The following PPARGC1A variants were observed in gnomAD, a reference collection of about 807,000 sequenced individuals.
The protein encoded by PPARGC1A is peroxisome proliferator-activated receptor gamma coactivator 1-alpha.
In PPARGC1A, 25 loss-of-function variants were observed where a neutral mutation model predicts 88.7. The ratio of observed to expected loss-of-function variants is 0.28; its 90% CI spans 0.21 to 0.39. The LOEUF (loss-of-function observed/expected upper bound fraction) is 0.39. Ranked by LOEUF, PPARGC1A falls within the 10% of genes least tolerant of loss-of-function variation. The pLI, the probability that PPARGC1A is intolerant of heterozygous loss-of-function variation, is 1.00. For missense variants in PPARGC1A, 880 were observed against 968.7 expected (o/e 0.91, Z 1.22); for synonymous variants, 363 against 355.6 (o/e 1.02, Z -0.24).
chr4:24,023,662 A>G, the PPARGC1A span, among the ~76,000 whole-genome samples: 1 of 152,222 alleles, frequency 6.6e-6, no homozygotes, highest in Non-Finnish European at 1.5e-5. Context: ...AAGACAGGTC[A>G]ATAAAAGCAT....
chr4:24,252,870 A>G, the PPARGC1A span, among the ~76,000 whole-genome samples: 1 of 152,196 alleles, frequency 6.6e-6, no homozygotes, highest in African/African-American at 2.4e-5. Context: ...TAAGTTTGTC[A>G]GTGTAGCCCA....
At chr4:24,424,506 A>C in the PPARGC1A span, among the ~76,000 whole-genome samples, 1 of 151,862 alleles carries the variant, frequency 6.6e-6, no homozygotes, top group Admixed American at 6.6e-5. Context: ...CGATCTCCTG[A>C]CCTCATTATC....
chr4:23,981,023 C>T, the PPARGC1A span, among the ~76,000 whole-genome samples: 14 of 152,040 alleles, frequency 9.2e-5, no homozygotes, highest in Non-Finnish European at 1.8e-4. Context: ...TATGTAATTT[C>T]TCCCTTGTCT....
chr4:24,387,811 A>AGAAAGAAAGAAG, the PPARGC1A span, among the ~76,000 whole-genome samples: 15 of 110,574 alleles, frequency 1.4e-4, no homozygotes, highest in South Asian at 3.3e-4. Context: ...AAAGAAAGAA[A>AGAAAGAAAGAAG]GAAAGAAAGA....
rs751603523 is a variant in PPARGC1A at position 23,824,307 on chromosome 4, A to T, written c.850T>A (p.Leu284Ile). ...GCAGTTCCAGAGAGTTCCACACTTA[A>T]GGTGCGTTCAATAGTCTTGTTCTCA... ...PFENKTIERT[L>I]SVELSGTAGL... Residue 284 changes from leucine to isoleucine, a missense_variant, in exon 7 of 13, where the codon TTA (leucine) becomes ATA (isoleucine). By Grantham distance (5) the Leu-to-Ile change is conservative. Coordinates refer to ENST00000264867, the MANE Select transcript of PPARGC1A (RefSeq NM_013261.5). 6.2e-7 allele frequency: 1 copy of T among 1,613,606 alleles called. No homozygotes were observed. Among genetic ancestry groups the T allele is most frequent in the Non-Finnish European group, 8.5e-7 (1 of 1,179,674 alleles).
At chr4:23,979,768 C>T in the PPARGC1A span, among the ~76,000 whole-genome samples, 1 of 152,266 alleles carries the variant, frequency 6.6e-6, no homozygotes, top group Admixed American at 6.5e-5. Context: ...TTTTGCTTCG[C>T]CTCTATTCAG....
chr4:24,046,635 G>A, the PPARGC1A span, among the ~76,000 whole-genome samples: 1 of 152,170 alleles, frequency 6.6e-6, no homozygotes, highest in Non-Finnish European at 1.5e-5. Context: ...GGCATGTGCT[G>A]TTGGCTATGT....
the PPARGC1A span, among the ~76,000 whole-genome samples, chr4:24,302,101 T>A: frequency 2.0e-5 from 3 of 152,192 alleles, no homozygotes; most frequent in Non-Finnish European, 4.4e-5. Flanking sequence ...CTTGCCACTC[T>A]AGATTCAAGC....
chr4:24,375,060 G>GT, the PPARGC1A span, among the ~76,000 whole-genome samples: 1 of 150,236 alleles, frequency 6.7e-6, no homozygotes, highest in African/African-American at 2.5e-5. Flanking sequence ...TCCCTGTCAG[G>GT]TTGGGATACG....
the PPARGC1A span, among the ~76,000 whole-genome samples, chr4:24,379,269 G>T: frequency 6.6e-6 from 1 of 152,122 alleles, no homozygotes; most frequent in Non-Finnish European, 1.5e-5. Flanking sequence ...AATACCAGAG[G>T]CTGGAAAGGG....
At chr4:24,325,075 G>A in the PPARGC1A span, among the ~76,000 whole-genome samples, 7 of 151,984 alleles carry the variant, frequency 4.6e-5, no homozygotes, top group Non-Finnish European at 8.8e-5. Flanking sequence ...GGCATAGTCA[G>A]GGTTAATGCT....
chr4:23,990,883 C>T, the PPARGC1A span, among the ~76,000 whole-genome samples: 1 of 152,034 alleles, frequency 6.6e-6, no homozygotes, highest in African/African-American at 2.4e-5. Flanking sequence ...ATTCCTCTCC[C>T]TCTGATACAG....
chr4:23,844,485 A>AT (rs1727684649), intron 2 of PPARGC1A, among the ~76,000 whole-genome samples: 1 of 35,688 alleles, frequency 2.8e-5, no homozygotes, highest in Non-Finnish European at 4.5e-5. Flanking sequence ...AATATATTAT[A>AT]ATAATCATAA....
the PPARGC1A span, among the ~76,000 whole-genome samples, chr4:23,947,466 G>A: frequency 2.0e-5 from 3 of 149,172 alleles, no homozygotes; most frequent in South Asian, 6.4e-4. Context: ...CACGCTGCTG[G>A]TAAGAAGTGA....
At chr4:24,364,816 G>A in the PPARGC1A span, among the ~76,000 whole-genome samples, 1 of 152,108 alleles carries the variant, frequency 6.6e-6, no homozygotes, top group Admixed American at 6.6e-5. Flanking sequence ...CACATGAAAT[G>A]AACAGAATAA....
chr4:23,836,614 T>G (rs1449662170), intron 2 of PPARGC1A, among the ~76,000 whole-genome samples: 1 of 152,218 alleles, frequency 6.6e-6, no homozygotes, highest in Non-Finnish European at 1.5e-5. Context: ...AAGGTTTATC[T>G]CTGCTCTTTG....
At chr4:24,204,893 G>A in the PPARGC1A span, among the ~76,000 whole-genome samples, 1 of 152,030 alleles carries the variant, frequency 6.6e-6, no homozygotes, top group African/African-American at 2.4e-5. Context: ...GCGCAATCCC[G>A]GCTCACCGCA....
At chr4:23,939,028 C>G in the PPARGC1A span, among the ~76,000 whole-genome samples, 3 of 152,166 alleles carry the variant, frequency 2.0e-5, no homozygotes, top group African/African-American at 7.2e-5. Context: ...ATGGTGATGA[C>G]TGCCCAGCCT....
At chr4:23,974,547 A>G in the PPARGC1A span, among the ~76,000 whole-genome samples, 1 of 152,180 alleles carries the variant, frequency 6.6e-6, no homozygotes, top group Non-Finnish European at 1.5e-5. Context: ...ATGGTCTCCA[A>G]GAGCTTTGAA....
Sources: gnomAD v4.1 joint callset for allele counts (sites outside exome capture counted in the v4.1 genomes callset) on GRCh38, gnomAD v4.1.1 for gene constraint, MANE v1.5 for transcripts, NCBI Gene and HGNC (gene_info 2026-07-23, HGNC 2026-07-21) for gene names.